The following MYB variants were observed in gnomAD, a reference collection of about 807,000 sequenced individuals.
MYB encodes the protein MYB proto-oncogene, transcription factor, also known as transcriptional activator Myb.
MYB carries 28 observed loss-of-function variants against 92.9 expected under a neutral mutation model. The observed-to-expected ratio is 0.30, with a 90% CI of 0.22 to 0.41. The LOEUF (loss-of-function observed/expected upper bound fraction) is 0.41. Ranked by LOEUF, MYB falls within the 10% of genes least tolerant of loss-of-function variation. The pLI is 1.00. For synonymous variants in MYB, 295 were observed against 329.1 expected (o/e 0.90, Z 1.12); for missense variants, 679 against 929.3 (o/e 0.73, Z 3.50).
At chr6:135,211,185 A>G (rs544276357) in intron 15 of MYB, among the ~76,000 whole-genome samples, 7 of 147,326 alleles carry the variant, frequency 4.8e-5, no homozygotes, top group Middle Eastern at 3.4e-3. Flanking sequence ...AGCCTTTTTC[A>G]TCTAGTGTGC....
intron 15 of MYB, among the ~76,000 whole-genome samples, chr6:135,207,568 A>C (rs1339227182): frequency 1.3e-5 from 2 of 152,222 alleles, no homozygotes; most frequent in Non-Finnish European, 2.9e-5. Flanking sequence ...CGTACATATA[A>C]ATGCACATGC....
In MYB at chr6:135,198,902, AT is replaced by A; in HGVS notation, c.1567-3del. Reference sequence around the variant, plus strand: ...CTAAGTATTTTTTCTTTCTCTCCATATTTAGTTCTTAAACACTTCCAGTAAC... The same window carrying A: ...CTAAGTATTTTTTCTTTCTCTCCATATTAGTTCTTAAACACTTCCAGTAAC... On this transcript the variant is annotated splice_region_variant and splice_polypyrimidine_tract_variant and intron_variant, in intron 10 of 15. Coordinates refer to ENST00000341911, the MANE Select transcript of MYB (RefSeq NM_001130173.2). The A allele has an allele frequency of 6.3e-7, 1 of 1,594,560 alleles. No homozygotes were observed. The highest frequency in any genetic ancestry group is 8.6e-7 in the Non-Finnish European group (1 of 1,166,482).
rs1416130000 is a variant in MYB at position 135,197,287 on chromosome 6, T to C, written c.1530T>C (p.Arg510=). Residue 510 remains arginine, a synonymous_variant, in exon 10 of 16, where the codon CGT becomes CGC. Coordinates refer to ENST00000341911, the MANE Select transcript of MYB (RefSeq NM_001130173.2). Reference sequence around the variant, plus strand: ...ACGTCAGCAGTTCAACTCCCAAGCGTTCCCCTGTCAAAAGCCTACCCTTCT... The same window carrying C: ...ACGTCAGCAGTTCAACTCCCAAGCGCTCCCCTGTCAAAAGCCTACCCTTCT... ...FADVSSSTPK[R]SPVKSLPFSP... 6.2e-7 allele frequency: 1 copy of C among 1,613,576 alleles called. No homozygotes were observed.
intron 3 of MYB, among the ~76,000 whole-genome samples, chr6:135,188,975 C>G (rs2128288419): frequency 6.6e-6 from 1 of 152,358 alleles, no homozygotes; most frequent in Non-Finnish European, 1.5e-5. Flanking sequence ...CCCCAACTTA[C>G]AGCTCCAGTT....
chr6:135,195,193 T>C, intron 8 of MYB: 1 of 816,930 alleles, frequency 1.2e-6, no homozygotes, highest in South Asian at 1.8e-5. Flanking sequence ...TTTCTCCTGT[T>C]GTGTGGTCAT....
At position 135,182,507 on chromosome 6, in the gene MYB, C is replaced by T. The variant is rs1218288220; in HGVS notation, c.23+971C>T. Reference sequence around the variant, plus strand: ...AGGCCGCTGCCGCGCAACCGGGACGCGATCCCCGCGGGCTCTGCCCCCAGG... The same window carrying T: ...AGGCCGCTGCCGCGCAACCGGGACGTGATCCCCGCGGGCTCTGCCCCCAGG... On this transcript the variant is annotated intron_variant, in intron 1 of 15. Transcript: ENST00000341911. This position sits in a 1 kb window ranked among gnomAD's most constrained non-coding sequence, Gnocchi z 5.6. Among the ~76,000 whole-genome samples the T allele has an allele frequency of 6.6e-6, 1 of 152,190 alleles. No individual in the cohort carries two copies. Among genetic ancestry groups the T allele is most frequent in the African/African-American group, 2.4e-5 (1 of 41,454 alleles).
chr6:135,193,213 T>C (rs1562372026), intron 6 of MYB, among the ~76,000 whole-genome samples: 1 of 151,884 alleles, frequency 6.6e-6, no homozygotes, highest in Non-Finnish European at 1.5e-5. Context: ...CCATAATAGG[T>C]GGAAAAAGAA....
At chr6:135,213,000 T>C (rs1583427309) in intron 15 of MYB, among the ~76,000 whole-genome samples, 1 of 152,220 alleles carries the variant, frequency 6.6e-6, no homozygotes, top group Non-Finnish European at 1.5e-5. Context: ...TCCTTGACTT[T>C]CACGACATAG....
chr6:135,203,836 G>T, intron 15 of MYB: 3 of 1,258,176 alleles, frequency 2.4e-6, no homozygotes, highest in Admixed American at 2.7e-5. Flanking sequence ...TTGTGAGGCC[G>T]ATCTGAAGTT....
chr6:135,193,405 A>AAAT (rs1179845464), intron 6 of MYB, among the ~76,000 whole-genome samples: 1 of 152,224 alleles, frequency 6.6e-6, no homozygotes, highest in Admixed American at 6.5e-5. Context: ...TCAGATGAAT[A>AAAT]AATTATCATA....
chr6:135,217,278 A>C (rs1430138470), intron 15 of MYB, among the ~76,000 whole-genome samples: 1 of 151,930 alleles, frequency 6.6e-6, no homozygotes, highest in Non-Finnish European at 1.5e-5. Flanking sequence ...CTGAGGTAGG[A>C]GGATCACTTG....
Position 135,181,342 on chromosome 6 carries a change from TCTCCTCCTC to T in MYB, c.-167_-159del. 4.6e-6 allele frequency: 1 copy of T among 216,184 alleles called. No individual in the cohort carries two copies. Among genetic ancestry groups the T allele is most frequent in the Non-Finnish European group, 8.7e-6 (1 of 114,944 alleles). The allele number at this position is 216,184 out of a possible 1,614,324, so 13.4% of individuals were successfully genotyped here. A position where few individuals can be genotyped will look rare whatever the true frequency, so the allele number is the denominator to read the frequency against. On this transcript the variant is annotated 5_prime_UTR_variant, in exon 1 of 16. Coordinates refer to ENST00000341911, the MANE Select transcript of MYB (RefSeq NM_001130173.2). The surrounding 1 kb of genome is among the most constrained non-coding windows in gnomAD (Gnocchi z 5.3). The stretch of plus-strand genomic sequence containing the variant: ...TATCAACCTGTTTCCTCCTCCTCCT[TCTCCTCCTC>T]CTCCGTGACCTCCTCCTCCTCTTTC...
Position 135,194,301 on chromosome 6 carries a change from A to G in MYB, c.844-55A>G, listed in dbSNP as rs1218254324. On this transcript the variant is annotated intron_variant, in intron 7 of 15. Coordinates refer to ENST00000341911, the MANE Select transcript of MYB (RefSeq NM_001130173.2). ...TGACCATATTGGCTACACCCATTGT[A>G]TTTGCAGCTTCCAATCAGACCTTTG... 8 of 1,344,120 alleles carry G rather than the reference A, an allele frequency of 6.0e-6. No individual in the cohort carries two copies. In the Admixed American group the frequency reaches 1.2e-4, roughly 21 times the overall value. The allele number at this position is 1,344,120 out of a possible 1,614,324, so 83.3% of individuals were successfully genotyped here.
chr6:135,195,921 C>T lies in MYB; in HGVS notation c.1122C>T (p.Cys374=), dbSNP rs6927965. The T allele has an allele frequency of 1.7e-3, 2,673 of 1,614,180 alleles. 30 individuals are homozygous for T. In the African/African-American group the frequency reaches 0.031, roughly 18 times the overall value. The change falls in exon 9 of 16, where the codon TGC becomes TGT. Residue 374 remains cysteine, a synonymous_variant. Transcript: ENST00000341911. ...LPEESASPAR[C]MIVHQGTILD... is the part of the protein sequence containing the mutation. ...AAGAAAGCGCCTCGCCAGCAAGGTG[C>T]ATGATCGTCCACCAGGGCACCATTC...
At chr6:135,196,768 G>T (rs1777375804) in intron 9 of MYB, 193 bp from the exon 10 acceptor site, 2 of 1,533,594 alleles carry the variant, frequency 1.3e-6, no homozygotes, top group African/African-American at 2.7e-5. Flanking sequence ...CAGAGGGCCA[G>T]CCTTGAGGCA....
rs1778086213 is a variant in MYB, at chr6:135,201,511, G to C, written c.1951-128G>C. On this transcript the variant is annotated intron_variant, in intron 13 of 15. Transcript: ENST00000341911. ...GAATCCAGAAGATAGAGCAAATTGA[G>C]CTGATAGTGTAAGTTAGCAACATAG... 7.6e-6 allele frequency: 4 copies of C among 523,214 alleles called. No homozygotes were observed. The East Asian group carries it at 1.3e-4, about 17-fold the overall frequency. The allele number at this position is 523,214 out of a possible 1,614,324, so 32.4% of individuals were successfully genotyped here.
In MYB at chr6:135,218,254, A is replaced by AC. The variant is rs201841211; in HGVS notation, c.*274_*275insC. ...ATATCTTAATGCAGATTTTTTTAAA[A>AC]AAAACATAAAATGATTTATCTGTAT... is the stretch of plus-strand genomic sequence containing the variant. On this transcript the variant is annotated 3_prime_UTR_variant, in exon 16 of 16. Coordinates refer to ENST00000341911, the MANE Select transcript of MYB (RefSeq NM_001130173.2). The AC allele has an allele frequency of 3.7e-5, 13 of 351,258 alleles. No individual in the cohort carries two copies. The highest frequency in any genetic ancestry group is 6.5e-5 in the African/African-American group (3 of 46,252). 21.8% of individuals were successfully genotyped at this position (351,258 alleles called of 1,614,324 possible).
intron 15 of MYB, among the ~76,000 whole-genome samples, chr6:135,209,718 CTTTTA>C: frequency 6.6e-6 from 1 of 152,196 alleles, no homozygotes. Flanking sequence ...TGTTATGTTT[CTTTTA>C]TATTTTCACA....
intron 15 of MYB, among the ~76,000 whole-genome samples, chr6:135,206,679 G>C (rs547316481): frequency 4.6e-4 from 70 of 152,180 alleles, no homozygotes; most frequent in Non-Finnish European, 4.1e-4. Context: ...CTAGGCAATA[G>C]AGTGAGACTC....
Sources: allele counts gnomAD v4.1 joint callset (sites outside exome capture counted in the v4.1 genomes callset), GRCh38; gene constraint gnomAD v4.1.1; non-coding constraint Gnocchi (gnomAD v3.1); transcripts MANE v1.5; gene names NCBI Gene and HGNC (gene_info 2026-07-23, HGNC 2026-07-21).